UTP18: variants seen among roughly 807,000 people sequenced by gnomAD.
The protein encoded by UTP18 is U3 small nucleolar RNA-associated protein 18 homolog.
UTP18 carries 36 observed loss-of-function variants against 61.1 expected under a neutral mutation model. That is an observed-to-expected ratio of 0.59 (90% confidence interval 0.45 to 0.78). The LOEUF is 0.78. Among genes scored for constraint, UTP18 ranks in the 30% least tolerant of loss-of-function variants. The pLI is 0.00. For synonymous variants in UTP18, 282 were observed against 251.1 expected, an observed-to-expected ratio of 1.12 and a Z score of -1.16; for missense variants, 753 against 693.9, an observed-to-expected ratio of 1.09 and a Z score of -0.96.
intron 11 of UTP18, among the ~76,000 whole-genome samples, chr17:51,289,607 A>G (rs1250905187): frequency 1.3e-5 from 2 of 152,106 alleles, no homozygotes; most frequent in East Asian, 3.9e-4. Context: ...GAAGTTTCCT[A>G]ATCTTCAGGC....
At chr17:51,287,708 A>G (rs1905151728) in intron 10 of UTP18, among the ~76,000 whole-genome samples, 1 of 152,122 alleles carries the variant, frequency 6.6e-6, no homozygotes. Context: ...GATGAATGAG[A>G]CACTAGAAGT....
intron 3 of UTP18, among the ~76,000 whole-genome samples, chr17:51,268,007 G>GTTTTTTTTTTTTTTTTT (rs766635231): frequency 9.2e-5 from 12 of 130,574 alleles, no homozygotes; most frequent in African/African-American, 2.4e-4. Context: ...TTTGTTTTTT[G>GTTTTTTTTTTTTTTTTT]TTTTTTGTTT....
chr17:51,279,110 A>G (rs770487902), intron 7 of UTP18, among the ~76,000 whole-genome samples: 1 of 152,188 alleles, frequency 6.6e-6, no homozygotes, highest in South Asian at 2.1e-4. Context: ...AAATATAGAC[A>G]TATATTTTTG....
intron 3 of UTP18, among the ~76,000 whole-genome samples, chr17:51,268,480 A>C (rs1479373498): frequency 2.0e-5 from 3 of 152,282 alleles, no homozygotes; most frequent in Non-Finnish European, 4.4e-5. Flanking sequence ...TCTAGTGTGT[A>C]GTCTATGTAC....
In UTP18 at chr17:51,283,835, G is replaced by A. The variant is rs534494320; in HGVS notation, c.1205-1410G>A. ...TCACCATTTTGGCCAGGTTGGTCTCGAACTCCTGGCCTCAAGTGAGCCACC... is the reference window on the plus strand; with the variant it reads ...TCACCATTTTGGCCAGGTTGGTCTCAAACTCCTGGCCTCAAGTGAGCCACC... On this transcript the variant is annotated intron_variant, in intron 9 of 13. Transcript: ENST00000225298. 1.1e-4 allele frequency among the ~76,000 whole-genome samples: 16 copies of A among 152,082 alleles called. No individual in the cohort carries two copies. The East Asian group carries it at 1.9e-3, about 19-fold the overall frequency.
rs188217433 is a variant in UTP18 at position 51,288,322 on chromosome 17, A to T, written c.1503+119A>T. The T allele has an allele frequency of 3.9e-6, 4 of 1,016,024 alleles. No homozygotes were observed. In the African/African-American group the frequency reaches 6.5e-5, roughly 17 times the overall value. 62.9% of individuals were successfully genotyped at this position (1,016,024 alleles called of 1,614,324 possible). ...TTAAAACAGTGGCTTCTTTTGATAT[A>T]GGAATTATTAGTATTGTAGCTTTTG... On this transcript the variant is annotated intron_variant, in intron 11 of 13. Transcript: ENST00000225298.
chr17:51,264,292 C>T (rs1220353694), intron 2 of UTP18, among the ~76,000 whole-genome samples: 4 of 152,032 alleles, frequency 2.6e-5, no homozygotes, highest in Non-Finnish European at 4.4e-5. Context: ...AGTATACACC[C>T]GTCTCTGCCT....
intron 1 of UTP18, 36 bp downstream of exon 1, chr17:51,260,962 C>G (rs1377191080): frequency 7.0e-7 from 1 of 1,438,698 alleles, no homozygotes; most frequent in Non-Finnish European, 9.1e-7. Context: ...TGGGCGCACT[C>G]GGGCGGGGCG....
At chr17:51,273,276 G>T in intron 4 of UTP18, 86 bp from the exon 5 acceptor site, 6 of 946,118 alleles carry the variant, frequency 6.3e-6, no homozygotes, top group East Asian at 3.0e-5. Flanking sequence ...AGTTGATGTT[G>T]AAAATATATT....
At chr17:51,274,829 C>G (rs905913113) in intron 5 of UTP18, among the ~76,000 whole-genome samples, 5 of 151,956 alleles carry the variant, frequency 3.3e-5, no homozygotes, top group Non-Finnish European at 5.9e-5. Flanking sequence ...AAATTAGATA[C>G]AGTGATTTTG....
Position 51,260,729 on chromosome 17 carries a change from A to G in UTP18, c.145A>G (p.Lys49Glu), listed in dbSNP as rs1441032360. 1.9e-6 allele frequency: 3 copies of G among 1,593,158 alleles called. No individual in the cohort carries two copies. Among genetic ancestry groups the G allele is most frequent in the South Asian group, 2.2e-5 (2 of 89,226 alleles). ...PQKPAPSSQRKPPARPSAAAA... is the reference protein window; with the variant it reads ...PQKPAPSSQREPPARPSAAAA... ...AAAGCCTGCCCCTTCATCCCAGCGG[A>G]AACCGCCGGCCCGGCCGAGCGCGGC... is the stretch of plus-strand genomic sequence containing the variant. Residue 49 changes from lysine (K) to glutamate (E), a missense_variant, in exon 1 of 14, where the codon AAA becomes GAA. Physicochemically the swap from Lys to Glu is moderately conservative, Grantham distance 56. Coordinates refer to ENST00000225298, the MANE Select transcript of UTP18 (RefSeq NM_016001.3).
chr17:51,292,045 A>G (rs1905252908), intron 11 of UTP18, among the ~76,000 whole-genome samples: 2 of 152,204 alleles, frequency 1.3e-5, no homozygotes. Context: ...ACAAACTTAC[A>G]ATAACCCAAG....
chr17:51,263,926 C>T (rs1422381686), intron 2 of UTP18, among the ~76,000 whole-genome samples: 1 of 151,724 alleles, frequency 6.6e-6, no homozygotes, highest in East Asian at 1.9e-4. Flanking sequence ...AACATTTCTC[C>T]CTACTTAAAA....
intron 2 of UTP18, 96 bp downstream of exon 2, chr17:51,263,482 G>A (rs755297937): frequency 5.3e-6 from 5 of 935,902 alleles, no homozygotes; most frequent in Non-Finnish European, 8.0e-6. Context: ...TTGTGATTAT[G>A]TGAAGATTTG....
At chr17:51,280,168 C>A in intron 8 of UTP18, 63 bp downstream of exon 8, 2 of 1,495,798 alleles carry the variant, frequency 1.3e-6, no homozygotes, top group South Asian at 1.2e-5. Flanking sequence ...GATAGTCTTG[C>A]ACCTTAACTC....
chr17:51,265,842 G>A (rs1221150851), intron 2 of UTP18, among the ~76,000 whole-genome samples: 1 of 151,568 alleles, frequency 6.6e-6, no homozygotes, highest in Non-Finnish European at 1.5e-5. Context: ...GATTACAGGC[G>A]TGAGCCACCA....
At chr17:51,293,829 A>G in intron 11 of UTP18, 74 bp from the exon 12 acceptor site, 5 of 1,257,954 alleles carry the variant, frequency 4.0e-6, no homozygotes, top group Non-Finnish European at 5.3e-6. Context: ...GCAGGAAGAT[A>G]GAGTGAAGAT....
chr17:51,271,522 C>T (rs556698062), intron 4 of UTP18, among the ~76,000 whole-genome samples: 111 of 152,076 alleles, frequency 7.3e-4, no homozygotes, highest in African/African-American at 2.6e-3. Flanking sequence ...TTATGTTGCC[C>T]ACATTGGTAT....
intron 4 of UTP18, among the ~76,000 whole-genome samples, chr17:51,271,752 C>G (rs1444691894): frequency 2.0e-5 from 3 of 152,142 alleles, no homozygotes; most frequent in Non-Finnish European, 2.9e-5. Flanking sequence ...ACTGCGACCT[C>G]TGCCTCCTGA....
Sources: allele counts gnomAD v4.1 joint callset (sites outside exome capture counted in the v4.1 genomes callset), GRCh38; gene constraint gnomAD v4.1.1; transcripts MANE v1.5; gene names NCBI Gene and HGNC (gene_info 2026-07-23, HGNC 2026-07-21).